The following ULK4 variants were observed in gnomAD, a reference collection of about 807,000 sequenced individuals.
The protein encoded by ULK4 is unc-51 like kinase 4.
ULK4 carries 133 observed loss-of-function variants against 160.6 expected under a neutral mutation model. That is an observed-to-expected ratio of 0.83 (90% CI 0.72 to 0.96). The LOEUF (loss-of-function observed/expected upper bound fraction) is 0.96. Among genes scored for constraint, ULK4 ranks in the 40% least tolerant of loss-of-function variants. The pLI is 0.00. For synonymous variants in ULK4, 534 were observed against 539.8 expected (o/e 0.99, Z 0.15); for missense variants, 1,580 against 1,499.5 (o/e 1.05, Z -0.89).
chr3:41,802,199 A>C (rs148923079), intron 19 of ULK4, among the ~76,000 whole-genome samples: 1 of 152,212 alleles, frequency 6.6e-6, no homozygotes, highest in East Asian at 1.9e-4. Context: ...AAGAAAATTA[A>C]ATCTATACAA....
rs199753445 is a variant in ULK4, at chr3:41,642,194, C to CT, written c.3071+21412dup. Among the ~76,000 whole-genome samples the CT allele has an allele frequency of 6.3e-3, 946 of 151,306 alleles. 9 individuals carry two copies. The highest frequency in any genetic ancestry group is 0.021 in the African/African-American group (873 of 41,262). On this transcript the variant is annotated intron_variant, in intron 30 of 36. Coordinates refer to ENST00000301831, the MANE Select transcript of ULK4 (RefSeq NM_017886.4). ...CAGCCAATACGTAACAGTTTTTACT[C>CT]TTTTTTTTTAATACTTTAAGTTTTA...
chr3:41,391,154 A>G lies in ULK4; in HGVS notation c.3678+6925T>C, dbSNP rs75201792. On this transcript the variant is annotated intron_variant, in intron 35 of 36. Transcript: ENST00000301831. ...GACAGATACAACAAAATCATTCAAA[A>G]AGTTCCCAAATTAACTTGCAAACCC... Among the ~76,000 whole-genome samples, 1,019 of 152,206 alleles carry G rather than the reference A, an allele frequency of 6.7e-3. 4 individuals carry two copies. Among genetic ancestry groups the G allele is most frequent in the East Asian group, 0.015 (78 of 5,170 alleles).
intron 30 of ULK4, among the ~76,000 whole-genome samples, chr3:41,633,971 C>A (rs1180286071): frequency 1.3e-5 from 2 of 152,188 alleles, no homozygotes; most frequent in African/African-American, 4.8e-5. Context: ...TAATCATTAA[C>A]CTCATTCTAC....
chr3:41,951,627 A>G (rs1370065805), intron 2 of ULK4, among the ~76,000 whole-genome samples: 1 of 152,206 alleles, frequency 6.6e-6, no homozygotes, highest in East Asian at 1.9e-4. Context: ...TGGTGCTGAG[A>G]AAACTGGATA....
At chr3:41,616,173 T>TA (rs2032951288) in intron 30 of ULK4, among the ~76,000 whole-genome samples, 1 of 152,188 alleles carries the variant, frequency 6.6e-6, no homozygotes, top group African/African-American at 2.4e-5. Flanking sequence ...TTTAAAAAAT[T>TA]AGACACCAGT....
At chr3:41,391,082 T>G (rs1217608817) in intron 35 of ULK4, among the ~76,000 whole-genome samples, 2 of 152,134 alleles carry the variant, frequency 1.3e-5, no homozygotes, top group Non-Finnish European at 2.9e-5. Context: ...CTTATTTCAT[T>G]TAACATATTT....
At chr3:41,654,226 G>A (rs2034849659) in intron 30 of ULK4, among the ~76,000 whole-genome samples, 1 of 152,138 alleles carries the variant, frequency 6.6e-6, no homozygotes, top group Non-Finnish European at 1.5e-5. Context: ...CTTATAAATT[G>A]TGGATTTCTC....
intron 35 of ULK4, among the ~76,000 whole-genome samples, chr3:41,260,726 G>C (rs1402047603): frequency 6.6e-6 from 1 of 152,206 alleles, no homozygotes; most frequent in East Asian, 1.9e-4. Flanking sequence ...AGTCACAAAG[G>C]CTTGCTCCCC....
chr3:41,398,055 T>C, intron 35 of ULK4, 24 bp downstream of exon 35: 3 of 1,600,192 alleles, frequency 1.9e-6, no homozygotes, highest in Non-Finnish European at 2.6e-6. Flanking sequence ...ACCCACAGTG[T>C]CCCCGGTTTC....
intron 35 of ULK4, among the ~76,000 whole-genome samples, chr3:41,294,429 A>G (rs1408945187): frequency 6.6e-6 from 1 of 152,232 alleles, no homozygotes; most frequent in Non-Finnish European, 1.5e-5. Context: ...GTATTGTTAT[A>G]GAAACAAATG....
At chr3:41,946,411 G>A (rs1483832907) in intron 2 of ULK4, among the ~76,000 whole-genome samples, 1 of 152,154 alleles carries the variant, frequency 6.6e-6, no homozygotes, top group Non-Finnish European at 1.5e-5. Flanking sequence ...GAGGGCAGGA[G>A]GCACTTTCTG....
At chr3:41,517,447 G>C (rs2085788302) in intron 32 of ULK4, among the ~76,000 whole-genome samples, 1 of 152,142 alleles carries the variant, frequency 6.6e-6, no homozygotes, top group African/African-American at 2.4e-5. Context: ...CTGCCATTGG[G>C]AGGACACAGT....
At chr3:41,725,584 C>T (rs890545503) in intron 22 of ULK4, among the ~76,000 whole-genome samples, 3 of 152,166 alleles carry the variant, frequency 2.0e-5, no homozygotes, top group Non-Finnish European at 4.4e-5. Flanking sequence ...TAGTTCTCCA[C>T]TGAAACCCTT....
At chr3:41,954,600 C>T (rs1299522476) in intron 2 of ULK4, 22 bp downstream of exon 2, 2 of 1,602,334 alleles carry the variant, frequency 1.2e-6, no homozygotes, top group South Asian at 2.2e-5. Context: ...TTCCCCATGC[C>T]AATGGAAATA....
At chr3:41,850,233 C>T (rs1392554753) in intron 17 of ULK4, among the ~76,000 whole-genome samples, 1 of 152,140 alleles carries the variant, frequency 6.6e-6, no homozygotes, top group Non-Finnish European at 1.5e-5. Flanking sequence ...TGGGTTGGTT[C>T]CAAGTCTTTG....
intron 21 of ULK4, among the ~76,000 whole-genome samples, chr3:41,788,877 T>C (rs1440894362): frequency 2.0e-5 from 3 of 152,194 alleles, no homozygotes. Context: ...AGGCCTACTT[T>C]ATTTTTTACC....
intron 17 of ULK4, among the ~76,000 whole-genome samples, chr3:41,840,229 G>C (rs373395400): frequency 6.6e-6 from 1 of 152,140 alleles, no homozygotes; most frequent in South Asian, 2.1e-4. Context: ...AGGTGTTTGA[G>C]ACCAACCTGG....
chr3:41,599,284 T>G, intron 31 of ULK4, among the ~76,000 whole-genome samples: 1 of 152,146 alleles, frequency 6.6e-6, no homozygotes, highest in Non-Finnish European at 1.5e-5. Flanking sequence ...AATGCTTAGG[T>G]CAGCTGATTA....
At chr3:41,931,044 C>T (rs544964889) in intron 5 of ULK4, among the ~76,000 whole-genome samples, 6 of 152,240 alleles carry the variant, frequency 3.9e-5, no homozygotes, top group East Asian at 1.9e-4. Context: ...ATGTTTATTG[C>T]GGCACTATTC....
Sources: allele counts gnomAD v4.1 joint callset (sites outside exome capture counted in the v4.1 genomes callset), GRCh38; gene constraint gnomAD v4.1.1; transcripts MANE v1.5; gene names NCBI Gene and HGNC (gene_info 2026-07-23, HGNC 2026-07-21).